The following MMP26 variants were observed in gnomAD, a reference collection of about 807,000 sequenced individuals.
MMP26 encodes matrix metalloproteinase-26.
A neutral mutation model predicts 31.0 loss-of-function variants in MMP26; 33 were observed. The observed-to-expected ratio is 1.06, with a 90% confidence interval of 0.81 to 1.42. The LOEUF (loss-of-function observed/expected upper bound fraction) is 1.42. Among genes scored for constraint, MMP26 ranks in the 40% most tolerant of loss-of-function variants. The pLI is 0.00. For missense variants in MMP26, 347 were observed against 316.1 expected (o/e 1.10, Z -0.74); for synonymous variants, 122 against 114.9 (o/e 1.06, Z -0.40).
intron 2 of MMP26, among the ~76,000 whole-genome samples, chr11:4,894,893 T>A (rs1450979499): frequency 1.3e-5 from 2 of 152,198 alleles, no homozygotes; most frequent in Non-Finnish European, 2.9e-5. Flanking sequence ...TTCATTTCAC[T>A]TGTTTAAACT....
chr11:4,881,059 A>T (rs1850454157), intron 2 of MMP26, among the ~76,000 whole-genome samples: 2 of 152,134 alleles, frequency 1.3e-5, no homozygotes, highest in Non-Finnish European at 2.9e-5. Flanking sequence ...GTACCTGAAG[A>T]GAGAAAGCAC....
At chr11:4,854,896 C>T (rs942978496) in intron 2 of MMP26, among the ~76,000 whole-genome samples, 15 of 152,188 alleles carry the variant, frequency 9.9e-5, no homozygotes, top group African/African-American at 3.6e-4. Context: ...GCAACATTTG[C>T]TGTTCTGCAA....
At chr11:4,756,999 A>C (rs1848512760) in intron 1 of MMP26, among the ~76,000 whole-genome samples, 1 of 152,056 alleles carries the variant, frequency 6.6e-6, no homozygotes, top group African/African-American at 2.4e-5. Flanking sequence ...TTTTTTCTGT[A>C]AAAACTGACA....
chr11:4,893,020 T>C (rs746955145), intron 2 of MMP26, among the ~76,000 whole-genome samples: 2 of 152,142 alleles, frequency 1.3e-5, no homozygotes, highest in Non-Finnish European at 2.9e-5. Context: ...AAATTCTGCT[T>C]GATTCCTGTC....
chr11:4,888,655 GT>G (rs1850576318), intron 2 of MMP26, among the ~76,000 whole-genome samples: 1 of 152,046 alleles, frequency 6.6e-6, no homozygotes, highest in Non-Finnish European at 1.5e-5. Flanking sequence ...AAAAAATTTG[GT>G]TTTTATTAAG....
chr11:4,929,999 A>G (rs998932086), intron 2 of MMP26, among the ~76,000 whole-genome samples: 3 of 152,148 alleles, frequency 2.0e-5, no homozygotes, highest in African/African-American at 7.2e-5. Context: ...TTGTTCAAAA[A>G]TGTACTTGGA....
intron 2 of MMP26, among the ~76,000 whole-genome samples, chr11:4,803,190 T>C (rs1321338953): frequency 1.3e-5 from 2 of 152,210 alleles, no homozygotes; most frequent in African/African-American, 2.4e-5. Context: ...AAACTACTTT[T>C]ATTGTTTCCA....
At chr11:4,860,016 G>T (rs754392026) in intron 2 of MMP26, 9 of 470,972 alleles carry the variant, frequency 1.9e-5, no homozygotes, top group African/African-American at 1.6e-4. Flanking sequence ...TCATGTTTTG[G>T]TGAAGACAGT....
At position 4,835,487 on chromosome 11, in the gene MMP26, T is replaced by C. The variant is rs188977103; in HGVS notation, c.-145+68146T>C. On this transcript the variant is annotated intron_variant, in intron 2 of 7. Transcript: ENST00000380390. The stretch of plus-strand genomic sequence containing the variant: ...GCAGAGGGAGGATAGGATCCTAGAC[T>C]GGCCGGGGGTATTAATAACAACCAC... Among the ~76,000 whole-genome samples, 49 of 152,236 alleles carry C rather than the reference T, an allele frequency of 3.2e-4. No individual in the cohort carries two copies. In the East Asian group the frequency reaches 9.5e-3, roughly 29 times the overall value.
At chr11:4,739,889 TA>T (rs1848289184) in intron 1 of MMP26, among the ~76,000 whole-genome samples, 1 of 152,164 alleles carries the variant, frequency 6.6e-6, no homozygotes, top group African/African-American at 2.4e-5. Flanking sequence ...TTGACTTAGA[TA>T]ATCTCCATTT....
intron 2 of MMP26, among the ~76,000 whole-genome samples, chr11:4,795,643 C>T (rs768354983): frequency 7.9e-5 from 12 of 152,242 alleles, no homozygotes; most frequent in Middle Eastern, 3.4e-3. Flanking sequence ...TTAAATGCTA[C>T]ATTAAACATT....
chr11:4,726,691 A>T (rs1299501464), intron 1 of MMP26, among the ~76,000 whole-genome samples: 1 of 152,126 alleles, frequency 6.6e-6, no homozygotes, highest in Non-Finnish European at 1.5e-5. Flanking sequence ...TTCTAAATTG[A>T]AAGTGTGTTT....
At chr11:4,946,256 A>G (rs190505151) in intron 2 of MMP26, 2 of 1,614,032 alleles carry the variant, frequency 1.2e-6, no homozygotes, top group East Asian at 2.2e-5. Flanking sequence ...AGGTACAAGT[A>G]GGAGAACATT....
At chr11:4,921,648 A>G (rs1851186140) in intron 2 of MMP26, among the ~76,000 whole-genome samples, 1 of 152,186 alleles carries the variant, frequency 6.6e-6, no homozygotes, top group Admixed American at 6.6e-5. Flanking sequence ...GAGAATGTAT[A>G]TTTGTATGAA....
At chr11:4,806,368 T>C (rs1454079737) in intron 2 of MMP26, among the ~76,000 whole-genome samples, 1 of 152,186 alleles carries the variant, frequency 6.6e-6, no homozygotes, top group African/African-American at 2.4e-5. Context: ...AGTCTCTTTG[T>C]AGGTCTCTAC....
intron 2 of MMP26, among the ~76,000 whole-genome samples, chr11:4,813,980 G>A (rs892900443): frequency 3.3e-5 from 5 of 152,240 alleles, no homozygotes; most frequent in East Asian, 1.9e-4. Flanking sequence ...GTTTAAACAG[G>A]CCGTGTACAG....
At chr11:4,865,050 G>C (rs762485913) in intron 2 of MMP26, among the ~76,000 whole-genome samples, 38 of 152,190 alleles carry the variant, frequency 2.5e-4, no homozygotes, top group Middle Eastern at 6.8e-3. Context: ...TATTAATTGA[G>C]TTCTACTGGT....
intron 2 of MMP26, among the ~76,000 whole-genome samples, chr11:4,920,066 C>A (rs907340416): frequency 2.0e-5 from 3 of 151,978 alleles, no homozygotes; most frequent in African/African-American, 7.3e-5. Context: ...TAATTTTTGG[C>A]CCCTGGGAAA....
intron 1 of MMP26, among the ~76,000 whole-genome samples, chr11:4,742,531 G>A (rs73390869): frequency 0.043 from 6,613 of 152,176 alleles, 457 homozygotes; most frequent in African/African-American, 0.15. Context: ...GGGTATGTCT[G>A]GGAAGGTTTT....
Sources: allele counts gnomAD v4.1 joint callset (sites outside exome capture counted in the v4.1 genomes callset), GRCh38; gene constraint gnomAD v4.1.1; transcripts MANE v1.5; gene names NCBI Gene and HGNC (gene_info 2026-07-23, HGNC 2026-07-21).